The following SCNN1B variants were observed in gnomAD, a reference collection of about 807,000 sequenced individuals.
The protein encoded by SCNN1B is sodium channel epithelial 1 subunit beta.
A neutral mutation model predicts 65.3 loss-of-function variants in SCNN1B; 46 were observed. The observed-to-expected ratio is 0.70, with a 90% confidence interval of 0.56 to 0.90. The LOEUF is 0.90. Among genes scored for constraint, SCNN1B ranks in the 40% least tolerant of loss-of-function variants. SCNN1B has a pLI of 0.00. For synonymous variants in SCNN1B, 349 were observed against 330.6 expected (o/e 1.06, Z -0.60); for missense variants, 751 against 830.5 (o/e 0.90, Z 1.18).
intron 1 of SCNN1B, among the ~76,000 whole-genome samples, chr16:23,332,196 T>G: frequency 6.8e-6 from 1 of 147,812 alleles, no homozygotes; most frequent in South Asian, 2.1e-4. Flanking sequence ...GCCCAGCTCT[T>G]TTTTTTTTTT....
rs58465745 is a variant in SCNN1B at position 23,378,495 on chromosome 16, A to G, written c.1405-211A>G. 0.096 allele frequency among the ~76,000 whole-genome samples: 14,612 copies of G among 152,182 alleles called. 2,362 individuals are homozygous for G. The highest frequency in any genetic ancestry group is 0.33 in the African/African-American group (13,796 of 41,476). ...CCGGGCAGGGTGGCCAGGCCCGCCG[A>G]GGAAGAGTCTGGAGGCCCGAGTCCT... is the stretch of plus-strand genomic sequence containing the variant. On this transcript the variant is annotated intron_variant, in intron 10 of 12. Transcript: ENST00000343070.
intron 1 of SCNN1B, among the ~76,000 whole-genome samples, chr16:23,327,758 G>A (rs1323940699): frequency 6.6e-6 from 1 of 152,148 alleles, no homozygotes; most frequent in Non-Finnish European, 1.5e-5. Flanking sequence ...GCTAGCAGGT[G>A]AACAAGAAAA....
At chr16:23,355,552 G>C in intron 4 of SCNN1B, 63 bp downstream of exon 4, 2 of 1,547,248 alleles carry the variant, frequency 1.3e-6, no homozygotes, top group South Asian at 1.1e-5. Flanking sequence ...GCATGTTACG[G>C]TTGGGAGCAC....
At chr16:23,353,445 T>C (rs1962354190) in intron 3 of SCNN1B, among the ~76,000 whole-genome samples, 1 of 152,202 alleles carries the variant, frequency 6.6e-6, no homozygotes. Context: ...TCAGGCAAGA[T>C]CTCTCCATGT....
intron 1 of SCNN1B, among the ~76,000 whole-genome samples, chr16:23,305,524 AATATATATATTAT>A (rs1189058115): frequency 0.026 from 129 of 4,878 alleles, 9 homozygotes; most frequent in Non-Finnish European, 0.031. Context: ...ATCTCTACCA[AATATATATATTAT>A]ATATATATAT....
rs1961715052 is a variant in SCNN1B, at chr16:23,327,202, C to A, written c.-8-21390C>A. Among the ~76,000 whole-genome samples the A allele has an allele frequency of 3.3e-5, 5 of 152,266 alleles. No homozygotes were observed. The South Asian group carries it at 1.0e-3, about 32-fold the overall frequency. Reference sequence around the variant, plus strand: ...AAAGTGCTGGGATTACAGACAGGAGCCACCATGCCTGGCCTAACATAGTTT... The same window carrying A: ...AAAGTGCTGGGATTACAGACAGGAGACACCATGCCTGGCCTAACATAGTTT... On this transcript the variant is annotated intron_variant, in intron 1 of 12. Transcript: ENST00000343070.
chr16:23,335,031 A>T (rs1176170982), intron 1 of SCNN1B, among the ~76,000 whole-genome samples: 2 of 151,876 alleles, frequency 1.3e-5, no homozygotes, highest in African/African-American at 2.4e-5. Flanking sequence ...TCTTTTCAAT[A>T]TTTTTTTTCT....
chr16:23,338,825 C>T (rs1961995543), intron 1 of SCNN1B, among the ~76,000 whole-genome samples: 1 of 152,196 alleles, frequency 6.6e-6, no homozygotes, highest in Non-Finnish European at 1.5e-5. Context: ...AATGTGAAAT[C>T]TCATCATTTT....
chr16:23,305,573 T>TATAA (rs1961194765), intron 1 of SCNN1B, among the ~76,000 whole-genome samples: 2 of 42,634 alleles, frequency 4.7e-5, no homozygotes, highest in African/African-American at 1.2e-4. Context: ...TATATATATA[T>TATAA]ATATTATATA....
chr16:23,343,561 A>G (rs1169142027), intron 1 of SCNN1B, among the ~76,000 whole-genome samples: 2 of 148,222 alleles, frequency 1.3e-5, no homozygotes, highest in Non-Finnish European at 3.0e-5. Flanking sequence ...GGAAGGAAGG[A>G]AAAAAGAAAG....
chr16:23,291,667 G>A (rs1208440957), intron 2 of SCNN1B, among the ~76,000 whole-genome samples: 1 of 151,174 alleles, frequency 6.6e-6, no homozygotes, highest in Non-Finnish European at 1.5e-5. Context: ...CATAACCTCC[G>A]AGGTTTGGGC....
intron 2 of SCNN1B, among the ~76,000 whole-genome samples, chr16:23,288,430 AC>A (rs1276130944): frequency 6.6e-6 from 1 of 152,196 alleles, no homozygotes; most frequent in African/African-American, 2.4e-5. Context: ...TTATTACGTG[AC>A]AGTTTCTGCC....
intron 1 of SCNN1B, among the ~76,000 whole-genome samples, chr16:23,309,700 C>T (rs1961299960): frequency 2.6e-5 from 4 of 152,220 alleles, no homozygotes; most frequent in Admixed American, 2.6e-4. Context: ...AGCTGGTGCC[C>T]ACTCAGATTA....
rs753788959 is a variant in SCNN1B, at chr16:23,377,173, T to C, written c.1279T>C (p.Tyr427His). 2 of 1,613,998 alleles carry C rather than the reference T, an allele frequency of 1.2e-6. No homozygotes were observed. Among genetic ancestry groups the C allele is most frequent in the Admixed American group, 1.7e-5 (1 of 59,998 alleles). ...TTCTGTCTCCTGCGCAGCCCATTGCTACTCAGATCTACAGATGAGCGTGGC... is the reference window on the plus strand; with the variant it reads ...TTCTGTCTCCTGCGCAGCCCATTGCCACTCAGATCTACAGATGAGCGTGGC... Reference protein sequence around the residue: ...NRDFPDWAHCYSDLQMSVAQR... With the variant: ...NRDFPDWAHCHSDLQMSVAQR... The change falls in exon 9 of 13, where the codon TAC becomes CAC. Residue 427 changes from tyrosine (Y) to histidine (H), a missense_variant. Physicochemically the swap from Tyr to His is moderately conservative, Grantham distance 83. Transcript: ENST00000343070.
rs990504122 is a variant in SCNN1B, at chr16:23,287,762, G to T, written n.178+3958G>T. 5.4e-4 allele frequency among the ~76,000 whole-genome samples: 82 copies of T among 151,646 alleles called. 1 individual carries two copies. Among genetic ancestry groups the T allele is most frequent in the Admixed American group, 3.3e-4 (5 of 15,192 alleles). On this transcript the variant is annotated intron_variant and non_coding_transcript_variant, in intron 2 of 3. Transcript: ENST00000569789. ...CAGTCTAAAAATAGAAAAGATCTGG[G>T]GTTCATTTTGTTTTGTGACATGATG...
intron 11 of SCNN1B, among the ~76,000 whole-genome samples, chr16:23,379,687 C>T (rs1962996343): frequency 6.6e-6 from 1 of 152,164 alleles, no homozygotes; most frequent in Non-Finnish European, 1.5e-5. Context: ...GCCCAGGCCA[C>T]CCTGATGGCA....
intron 4 of SCNN1B, among the ~76,000 whole-genome samples, chr16:23,357,323 C>T (rs1417178819): frequency 6.6e-6 from 1 of 152,250 alleles, no homozygotes; most frequent in African/African-American, 2.4e-5. Context: ...TGGCTCACGC[C>T]TGTAAGCCCA....
chr16:23,354,716 G>A lies in SCNN1B; in HGVS notation c.586-583G>A, dbSNP rs150653435. ...AAAGGAATCAGAACTGTGTGTGTGC[G>A]TGCGTGTGTGTGTGAGCATAAGTGT... On this transcript the variant is annotated intron_variant, in intron 3 of 12. Coordinates refer to ENST00000343070, the MANE Select transcript of SCNN1B (RefSeq NM_000336.3). Among the ~76,000 whole-genome samples, 187 of 152,324 alleles carry A rather than the reference G, an allele frequency of 1.2e-3. 1 individual carries two copies. The highest frequency in any genetic ancestry group is 9.1e-3 in the Admixed American group (139 of 15,298).
intron 2 of SCNN1B, among the ~76,000 whole-genome samples, chr16:23,294,677 C>G (rs930812987): frequency 6.6e-6 from 1 of 152,010 alleles, no homozygotes; most frequent in Non-Finnish European, 1.5e-5. Flanking sequence ...TCATGAGTCC[C>G]CTTCTCTGAT....
Sources: allele counts gnomAD v4.1 joint callset (sites outside exome capture counted in the v4.1 genomes callset), GRCh38; gene constraint gnomAD v4.1.1; transcripts MANE v1.5; gene names NCBI Gene and HGNC (gene_info 2026-07-23, HGNC 2026-07-21).